The following DPH6 variants were observed in gnomAD, a reference collection of about 807,000 sequenced individuals.
DPH6 encodes the protein diphthamine biosynthesis 6.
Under a neutral mutation model 38.2 loss-of-function variants are expected in DPH6, and 33 were observed. That is an observed-to-expected ratio of 0.86 (90% CI 0.65 to 1.15). The LOEUF (loss-of-function observed/expected upper bound fraction) is 1.15. Ranked by LOEUF, DPH6 falls within the 50% of genes most tolerant of loss-of-function variation. The pLI is 0.00. For missense variants in DPH6, 325 were observed against 320.0 expected, an observed-to-expected ratio of 1.02 and a Z score of -0.12; for synonymous variants, 108 against 103.0, an observed-to-expected ratio of 1.05 and a Z score of -0.30.
intron 6 of DPH6, among the ~76,000 whole-genome samples, chr15:35,397,938 T>G (rs2053167351): frequency 6.7e-6 from 1 of 149,622 alleles, no homozygotes. Context: ...CTCTAGCTAT[T>G]TTTCCCAATC....
intron 5 of DPH6, among the ~76,000 whole-genome samples, chr15:35,435,350 T>C (rs889249890): frequency 6.6e-5 from 10 of 152,212 alleles, no homozygotes; most frequent in Non-Finnish European, 1.3e-4. Context: ...CAATCAAATG[T>C]AGACAACTGT....
intron 5 of DPH6, among the ~76,000 whole-genome samples, chr15:35,431,041 T>C (rs1352254337): frequency 2.0e-5 from 3 of 152,108 alleles, no homozygotes; most frequent in Non-Finnish European, 2.9e-5. Context: ...ATTCCATCTG[T>C]TGTGTGAAAA....
rs1360638462 is a variant in DPH6 at position 35,488,601 on chromosome 15, C to T, written c.313-33781G>A. On this transcript the variant is annotated intron_variant, in intron 3 of 8. Transcript: ENST00000256538. ...GGGGAAATCACCCCCATGATCCAAA[C>T]ACCTCCCACCAGGTCCCTCCTCTGA... Among the ~76,000 whole-genome samples the T allele has an allele frequency of 2.0e-5, 3 of 148,996 alleles. No individual in the cohort carries two copies. The East Asian group carries it at 5.9e-4, about 29-fold the overall frequency.
chr15:35,529,159 A>G (rs1044255947), intron 3 of DPH6, among the ~76,000 whole-genome samples: 1 of 152,152 alleles, frequency 6.6e-6, no homozygotes, highest in African/African-American at 2.4e-5. Flanking sequence ...CTGTTCTCGC[A>G]CTGCTACCTG....
chr15:35,336,347 T>G (rs796372899), intron 3 of DPH6, among the ~76,000 whole-genome samples: 27 of 137,594 alleles, frequency 2.0e-4, no homozygotes, highest in African/African-American at 7.3e-4. Context: ...AGTCCCATAT[T>G]TCTTGGAGGC....
At chr15:35,424,549 T>C (rs2053545681) in intron 5 of DPH6, among the ~76,000 whole-genome samples, 1 of 151,670 alleles carries the variant, frequency 6.6e-6, no homozygotes, top group Non-Finnish European at 1.5e-5. Flanking sequence ...CTTTTATTTC[T>C]TTTTCTTGCT....
intron 6 of DPH6, chr15:35,400,736 C>T: frequency 4.1e-6 from 3 of 733,138 alleles, no homozygotes; most frequent in Non-Finnish European, 7.6e-6. Context: ...GCTGAGGAAG[C>T]TCTTATTGGA....
At chr15:35,540,991 G>T (rs934483356) in intron 2 of DPH6, among the ~76,000 whole-genome samples, 5 of 152,172 alleles carry the variant, frequency 3.3e-5, no homozygotes, top group Admixed American at 1.3e-4. Context: ...CCTAACAGGA[G>T]ATTCTGCTTC....
chr15:35,411,011 T>C (rs981839230), intron 5 of DPH6, 115 bp from the exon 6 acceptor site: 1 of 848,084 alleles, frequency 1.2e-6, no homozygotes, highest in Non-Finnish European at 1.8e-6. Context: ...ATATTTTGAA[T>C]TGCTTTGATC....
chr15:35,477,930 T>C (rs1268345202), intron 3 of DPH6, among the ~76,000 whole-genome samples: 2 of 151,978 alleles, frequency 1.3e-5, no homozygotes, highest in Non-Finnish European at 2.9e-5. Context: ...TTTCCCAAGC[T>C]ACTGCTCCTT....
chr15:35,173,046 G>A, the DPH6 span, among the ~76,000 whole-genome samples: 1 of 152,116 alleles, frequency 6.6e-6, no homozygotes, highest in Non-Finnish European at 1.5e-5. Flanking sequence ...TTGCTTCTAA[G>A]TGCTATGATA....
intron 3 of DPH6, among the ~76,000 whole-genome samples, chr15:35,347,517 C>G (rs2052473392): frequency 6.8e-6 from 1 of 148,084 alleles, no homozygotes; most frequent in Non-Finnish European, 1.5e-5. Flanking sequence ...ACTATACTTT[C>G]TTTAACCATT....
intron 3 of DPH6, among the ~76,000 whole-genome samples, chr15:35,357,022 T>G (rs963612239): frequency 6.6e-6 from 1 of 152,210 alleles, no homozygotes; most frequent in Non-Finnish European, 1.5e-5. Flanking sequence ...CCTTGCAGTT[T>G]GATCTCAGAC....
At chr15:35,507,141 T>C (rs950467215) in intron 3 of DPH6, among the ~76,000 whole-genome samples, 1 of 152,118 alleles carries the variant, frequency 6.6e-6, no homozygotes, top group African/African-American at 2.4e-5. Flanking sequence ...GTAATATCTA[T>C]ATTTAGAAAA....
intron 6 of DPH6, among the ~76,000 whole-genome samples, chr15:35,393,636 G>A (rs987064410): frequency 2.0e-5 from 3 of 151,960 alleles, no homozygotes; most frequent in South Asian, 2.1e-4. Flanking sequence ...GGATGGCTCC[G>A]GAATGAAGGT....
chr15:35,232,734 T>C (rs1008874984), intron 3 of DPH6, among the ~76,000 whole-genome samples: 9 of 152,224 alleles, frequency 5.9e-5, no homozygotes, highest in Non-Finnish European at 1.3e-4. Context: ...TAAAAAAGAT[T>C]GATAGGTTCT....
chr15:35,361,272 G>T (rs2052611954), intron 3 of DPH6, among the ~76,000 whole-genome samples: 1 of 152,116 alleles, frequency 6.6e-6, no homozygotes. Context: ...CTCCCACAAG[G>T]GCATTTTCGT....
intron 3 of DPH6, among the ~76,000 whole-genome samples, chr15:35,508,583 G>A (rs1166039935): frequency 6.6e-6 from 1 of 151,924 alleles, no homozygotes; most frequent in Non-Finnish European, 1.5e-5. Context: ...CAAATCATAT[G>A]CCTACCCCAA....
In DPH6 at chr15:35,450,701, GA is replaced by G. The variant is rs2053921019; in HGVS notation, c.488del (p.Ile163ThrfsTer3). 1 of 1,612,726 alleles carries G rather than the reference GA, an allele frequency of 6.2e-7. No homozygotes were observed. The highest frequency in any genetic ancestry group is 1.1e-5 in the South Asian group (1 of 90,870). On this transcript the variant is annotated frameshift_variant, in exon 5 of 9. Coordinates refer to ENST00000256538, the MANE Select transcript of DPH6 (RefSeq NM_080650.4). LOFTEE classifies it high-confidence loss of function. Reference sequence around the variant, plus strand: ...GCTGCATACCCAAAGCTGCTACTTTGATGATCATTGCTTGAATGTTAGATGA... The same window carrying G: ...GCTGCATACCCAAAGCTGCTACTTTGTGATCATTGCTTGAATGTTAGATGA... ...MISSNIQAMI[I>X]KVAALGLDPD... is the part of the protein sequence containing the mutation.
Sources: allele counts gnomAD v4.1 joint callset (sites outside exome capture counted in the v4.1 genomes callset), GRCh38; gene constraint gnomAD v4.1.1; transcripts MANE v1.5; gene names NCBI Gene and HGNC (gene_info 2026-07-23, HGNC 2026-07-21).